The following PAQR3 variants were observed in gnomAD, a reference collection of about 807,000 sequenced individuals.
PAQR3 encodes progestin and adipoQ receptor family member 3.
PAQR3 carries 39 observed loss-of-function variants against 41.7 expected under a neutral mutation model. That is an observed-to-expected ratio of 0.93 (90% CI 0.72 to 1.22). PAQR3 has a LOEUF of 1.22. Among genes scored for constraint, PAQR3 ranks in the 50% most tolerant of loss-of-function variants. PAQR3 has a pLI of 0.00. For missense variants in PAQR3, 366 were observed against 385.6 expected (o/e 0.95, Z 0.42); for synonymous variants, 140 against 140.6 (o/e 1.00, Z 0.03).
downstream of PAQR3, among the ~76,000 whole-genome samples, chr4:78,907,773 T>A (rs1734360881): frequency 6.6e-6 from 1 of 152,100 alleles, no homozygotes; most frequent in South Asian, 2.1e-4. Flanking sequence ...TTTGTCTTGG[T>A]TCTTGTTAGG....
intron 11 of PAQR3, among the ~76,000 whole-genome samples, chr4:78,904,226 T>C (rs1219322612): frequency 2.0e-5 from 3 of 151,818 alleles, no homozygotes; most frequent in Non-Finnish European, 4.4e-5. Flanking sequence ...GTTAATAAGA[T>C]TGAAGAGAAA....
At chr4:78,922,259 T>G in intron 5 of PAQR3, 1 of 1,238,452 alleles carries the variant, frequency 8.1e-7, no homozygotes, top group Non-Finnish European at 1.0e-6. Context: ...CCCTTGTATT[T>G]CCATTCTTAT....
At chr4:78,931,141 G>A (rs1391950142) in intron 2 of PAQR3, among the ~76,000 whole-genome samples, 5 of 139,572 alleles carry the variant, frequency 3.6e-5, no homozygotes, top group Non-Finnish European at 7.6e-5. Flanking sequence ...CTTGAGCGCA[G>A]GAGTTCGAGA....
intron 11 of PAQR3, among the ~76,000 whole-genome samples, chr4:78,903,516 A>C (rs1452390020): frequency 6.6e-6 from 1 of 151,982 alleles, no homozygotes; most frequent in African/African-American, 2.4e-5. Context: ...CACTAAATAA[A>C]ATGAATTATG....
At position 78,935,166 on chromosome 4, in the gene PAQR3, GGACGC is replaced by G; in HGVS notation, c.298_302del (p.Ala100GlnfsTer66). Reference sequence around the variant, plus strand: ...TAGAACAAATTACAAAATCTTCTCTGGACGCACTTGCTGAAGGTAACACAGATGTC... The same window carrying G: ...TAGAACAAATTACAAAATCTTCTCTGACTTGCTGAAGGTAACACAGATGTC... On this transcript the variant is annotated frameshift_variant, in exon 2 of 6. Transcript: ENST00000512733. LOFTEE classifies it high-confidence loss of function. 3.1e-6 allele frequency: 5 copies of G among 1,613,780 alleles called. No homozygotes were observed. Among genetic ancestry groups the G allele is most frequent in the Non-Finnish European group, 4.2e-6 (5 of 1,179,846 alleles).
intron 11 of PAQR3, among the ~76,000 whole-genome samples, chr4:78,889,046 C>T (rs1257793177): frequency 6.6e-6 from 1 of 151,814 alleles, no homozygotes; most frequent in Admixed American, 6.6e-5. Context: ...ACGGTGAAAC[C>T]CCATCTCTAC....
chr4:78,908,635 C>G (rs1734405131), downstream of PAQR3, among the ~76,000 whole-genome samples: 1 of 152,166 alleles, frequency 6.6e-6, no homozygotes, highest in Non-Finnish European at 1.5e-5. Context: ...TTTCAAATCA[C>G]AGATACCTAA....
chr4:78,912,116 C>A lies in PAQR3; in HGVS notation c.*8423G>T. 8.3e-7 allele frequency: 1 copy of A among 1,212,100 alleles called. No individual in the cohort carries two copies. The highest frequency in any genetic ancestry group is 1.2e-6 in the Non-Finnish European group (1 of 853,858). 75.1% of individuals were successfully genotyped at this position (1,212,100 alleles called of 1,614,324 possible). On this transcript the variant is annotated 3_prime_UTR_variant, in exon 6 of 6. Coordinates refer to ENST00000512733, the MANE Select transcript of PAQR3 (RefSeq NM_001040202.2). ...ATGAATTTGAAAGAAAATTTGGTAG[C>A]TCTTTATAGCATTCATTCTTAAAGA... is the stretch of plus-strand genomic sequence containing the variant.
rs1166212453 is a variant in PAQR3 at position 78,912,813 on chromosome 4, T to C, written c.*7726A>G. The C allele has an allele frequency of 9.2e-5, 14 of 152,104 alleles. No homozygotes were observed. The South Asian group carries it at 2.9e-3, about 32-fold the overall frequency. 9.4% of individuals were successfully genotyped at this position (152,104 alleles called of 1,614,324 possible). On this transcript the variant is annotated 3_prime_UTR_variant, in exon 6 of 6. Coordinates refer to ENST00000512733, the MANE Select transcript of PAQR3 (RefSeq NM_001040202.2). ...CGCACAGAAGCCTAGAACAAAAATA[T>C]GAAGAGAAATATCTGACATTTGTAA...
At chr4:78,888,160 A>G (rs1733206231) in intron 11 of PAQR3, 1 of 152,228 alleles carries the variant, frequency 6.6e-6, no homozygotes, top group South Asian at 2.1e-4. Flanking sequence ...TGGAATATAC[A>G]GGATAGTTTT....
intron 3 of PAQR3, among the ~76,000 whole-genome samples, chr4:78,927,734 TGGG>T (rs1401515483): frequency 2.0e-5 from 3 of 152,314 alleles, no homozygotes; most frequent in Middle Eastern, 3.4e-3. Context: ...GAAGGGCTTA[TGGG>T]ATATGCAGGT....
chr4:78,921,633 C>T, intron 5 of PAQR3: 1 of 951,554 alleles, frequency 1.1e-6, no homozygotes, highest in Non-Finnish European at 1.3e-6. Flanking sequence ...TCCATGGACA[C>T]CTTGGGGACC....
chr4:78,891,504 C>A (rs1733437550), intron 11 of PAQR3, among the ~76,000 whole-genome samples: 1 of 152,078 alleles, frequency 6.6e-6, no homozygotes, highest in Non-Finnish European at 1.5e-5. Flanking sequence ...ATTCCTCTTA[C>A]TAGGATATTG....
intron 1 of PAQR3, among the ~76,000 whole-genome samples, 184 bp downstream of exon 1, chr4:78,938,856 C>T (rs1371373913): frequency 6.6e-6 from 1 of 151,588 alleles, no homozygotes; most frequent in Non-Finnish European, 1.5e-5. Flanking sequence ...ATTCCGTGGA[C>T]CAAGTACCCC....
At chr4:78,930,485 T>C (rs866547969) in intron 2 of PAQR3, 160 bp from the exon 3 acceptor site, 16 of 610,394 alleles carry the variant, frequency 2.6e-5, no homozygotes, top group Middle Eastern at 8.9e-4. Flanking sequence ...GAGCTCACTC[T>C]ACATGTAGAG....
intron 11 of PAQR3, among the ~76,000 whole-genome samples, chr4:78,897,855 G>A (rs963921803): frequency 2.6e-5 from 4 of 152,196 alleles, no homozygotes; most frequent in African/African-American, 9.7e-5. Flanking sequence ...AAAGATTACA[G>A]CCCTTGCCTC....
intron 2 of PAQR3, among the ~76,000 whole-genome samples, chr4:78,933,491 T>C (rs1210590157): frequency 1.3e-5 from 2 of 152,178 alleles, no homozygotes; most frequent in South Asian, 4.1e-4. Flanking sequence ...TTAATAAATA[T>C]ATCTATGGTT....
chr4:78,932,439 A>G (rs1045397205), intron 2 of PAQR3, among the ~76,000 whole-genome samples: 1 of 152,126 alleles, frequency 6.6e-6, no homozygotes, highest in Non-Finnish European at 1.5e-5. Flanking sequence ...GCAGGTCGCA[A>G]AATAGCAAGC....
intron 11 of PAQR3, among the ~76,000 whole-genome samples, chr4:78,898,053 G>A (rs1733797048): frequency 6.6e-6 from 1 of 152,198 alleles, no homozygotes; most frequent in African/African-American, 2.4e-5. Flanking sequence ...TAAGCCCTGA[G>A]AAATGAATGC....
Sources: allele counts gnomAD v4.1 joint callset (sites outside exome capture counted in the v4.1 genomes callset), GRCh38; gene constraint gnomAD v4.1.1; transcripts MANE v1.5; gene names NCBI Gene and HGNC (gene_info 2026-07-23, HGNC 2026-07-21).